The following SEMA6A variants were observed in gnomAD, a reference collection of about 807,000 sequenced individuals.
The protein encoded by SEMA6A is semaphorin-6A.
In SEMA6A, 25 loss-of-function variants were observed where a neutral mutation model predicts 96.8. The ratio of observed to expected loss-of-function variants is 0.26; its 90% CI spans 0.19 to 0.36. The LOEUF (loss-of-function observed/expected upper bound fraction) is 0.36, where lower values mean the gene tolerates loss of function less well. Among genes scored for constraint, SEMA6A ranks in the 10% least tolerant of loss-of-function variants. The pLI is 1.00. For missense variants in SEMA6A, 1,363 were observed against 1,323.1 expected, an observed-to-expected ratio of 1.03 and a Z score of -0.47; for synonymous variants, 612 against 518.0, an observed-to-expected ratio of 1.18 and a Z score of -2.46.
intron 1 of SEMA6A, among the ~76,000 whole-genome samples, chr5:116,518,900 C>G (rs1553530): frequency 0.32 from 48,679 of 151,940 alleles, 8,449 homozygotes; most frequent in African/African-American, 0.45. Flanking sequence ...AGATTCCCCA[C>G]GTTCACTTTG....
Position 116,491,569 on chromosome 5 carries a change from T to A in SEMA6A, c.535+171A>T, listed in dbSNP as rs1215969933. The stretch of plus-strand genomic sequence containing the variant: ...CACATGGGTAAGTGAAGCAAAGACT[T>A]GCAAAAGTACAATTTTCATACTAAT... On this transcript the variant is annotated intron_variant, in intron 7 of 18. Transcript: ENST00000343348. Among the ~76,000 whole-genome samples the A allele has an allele frequency of 4.6e-5, 7 of 152,098 alleles. No individual in the cohort carries two copies. The East Asian group carries it at 1.3e-3, about 29-fold the overall frequency.
At chr5:116,547,734 TAAAAAAAA>T (rs34908253) in intron 1 of SEMA6A, among the ~76,000 whole-genome samples, 394 of 65,584 alleles carry the variant, frequency 6.0e-3, no homozygotes, top group Non-Finnish European at 8.4e-3. Flanking sequence ...ATCTGATACT[TAAAAAAAA>T]AAAAAAAAAA....
rs539311856 is a variant in SEMA6A at position 116,456,089 on chromosome 5, A to G, written c.1895-8278T>C. Among the ~76,000 whole-genome samples, 40 of 152,354 alleles carry G rather than the reference A, an allele frequency of 2.6e-4. No individual in the cohort carries two copies. The South Asian group carries it at 8.1e-3, about 31-fold the overall frequency. On this transcript the variant is annotated intron_variant, in intron 18 of 18. Transcript: ENST00000343348. Reference sequence around the variant, plus strand: ...TAAGGCAACACTTTGGTAGGGTTCAACTGTGTTAGCCAAAAGTGTAAAAAT... The same window carrying G: ...TAAGGCAACACTTTGGTAGGGTTCAGCTGTGTTAGCCAAAAGTGTAAAAAT...
intron 15 of SEMA6A, 143 bp downstream of exon 15, chr5:116,477,703 G>T (rs1756527928): frequency 4.0e-6 from 3 of 753,770 alleles, no homozygotes; most frequent in Admixed American, 4.2e-5. Flanking sequence ...AATGGGAAAG[G>T]GTAGGAGAAA....
chr5:116,485,654 T>C (rs943525644), intron 10 of SEMA6A, among the ~76,000 whole-genome samples: 2 of 152,238 alleles, frequency 1.3e-5, no homozygotes, highest in Non-Finnish European at 2.9e-5. Context: ...CCTTTAGTTT[T>C]ATCATTTTGG....
chr5:116,516,540 T>C (rs933825829), intron 1 of SEMA6A, among the ~76,000 whole-genome samples: 7 of 152,204 alleles, frequency 4.6e-5, no homozygotes, highest in Non-Finnish European at 1.0e-4. Flanking sequence ...GCTCATTTAC[T>C]TTTATGTAAA....
intron 1 of SEMA6A, among the ~76,000 whole-genome samples, chr5:116,564,728 T>C (rs1760959742): frequency 6.6e-6 from 1 of 152,140 alleles, no homozygotes; most frequent in Non-Finnish European, 1.5e-5. Context: ...TAGCAAAATA[T>C]TGAAATTATT....
intron 18 of SEMA6A, among the ~76,000 whole-genome samples, chr5:116,460,337 A>G (rs1165085551): frequency 6.6e-6 from 1 of 152,190 alleles, no homozygotes; most frequent in African/African-American, 2.4e-5. Flanking sequence ...TCTGAACTCA[A>G]GTATGCTAAG....
chr5:116,456,068 G>T (rs1386409349), intron 18 of SEMA6A, among the ~76,000 whole-genome samples: 2 of 152,174 alleles, frequency 1.3e-5, no homozygotes, highest in Non-Finnish European at 2.9e-5. Context: ...CTATTTTAAG[G>T]CAACACTTTG....
chr5:116,479,689 C>T (rs1259543133), intron 12 of SEMA6A, among the ~76,000 whole-genome samples: 2 of 152,204 alleles, frequency 1.3e-5, no homozygotes, highest in African/African-American at 4.8e-5. Flanking sequence ...GAATCCTTCA[C>T]ACCAGCAAAT....
At chr5:116,499,649 C>T (rs1293629844) in intron 3 of SEMA6A, among the ~76,000 whole-genome samples, 3 of 152,126 alleles carry the variant, frequency 2.0e-5, no homozygotes, top group Admixed American at 6.5e-5. Context: ...GAAGTGGCTG[C>T]GTATGGTGTG....
chr5:116,467,584 C>T lies in SEMA6A; in HGVS notation c.1893G>A (p.Lys631=). The T allele has an allele frequency of 6.2e-7, 1 of 1,612,462 alleles. No individual in the cohort carries two copies. The highest frequency in any genetic ancestry group is 1.1e-5 in the South Asian group (1 of 90,776). Residue 631 remains lysine (K), a splice_region_variant and synonymous_variant, in exon 18 of 19, where the codon AAG becomes AAA. Coordinates refer to ENST00000343348, the MANE Select transcript of SEMA6A (RefSeq NM_020796.5). ...AVSSHNHQDK[K]GVIRESYLKG... is the part of the protein sequence containing the mutation. ...GAAGAGGCATTTCCAAGGCCTTACCCTTCTTGTCTTGGTGATTATGGGAAG... is the reference window on the plus strand; with the variant it reads ...GAAGAGGCATTTCCAAGGCCTTACCTTTCTTGTCTTGGTGATTATGGGAAG...
rs1758392974 is a variant in SEMA6A, at chr5:116,511,338, A to C, written c.-38-6356T>G. ...CAGTACAGATGCAATTTTTTAAAAA[A>C]AAATTTCTATCAGCGGTTGGTTGAA... On this transcript the variant is annotated intron_variant, in intron 1 of 18. Transcript: ENST00000343348. Among the ~76,000 whole-genome samples, 5 of 152,310 alleles carry C rather than the reference A, an allele frequency of 3.3e-5. No homozygotes were observed. In the South Asian group the frequency reaches 1.0e-3, roughly 32 times the overall value.
Position 116,478,068 on chromosome 5 carries a change from G to A in SEMA6A, c.1514C>T (p.Thr505Ile). ...ASSSLYVAFS[T>I]CVIKVPLGRC... is the part of the protein sequence containing the mutation. ...GCCAAGGGGAACCTTTATCACACAG[G>A]TAGAGAACGCAACATACAGAGAGCT... The change falls in exon 14 of 19, where the codon ACC becomes ATC. Residue 505 changes from threonine (T) to isoleucine (I), a missense_variant. Around this residue, in one of 2 missense-constraint regions of SEMA6A, gnomAD observed 883 missense variants for 763.6 expected, o/e 1.16. Transcript: ENST00000343348. 6.2e-7 allele frequency: 1 copy of A among 1,613,964 alleles called. No individual in the cohort carries two copies. The highest frequency in any genetic ancestry group is 8.5e-7 in the Non-Finnish European group (1 of 1,179,856).
intron 1 of SEMA6A, among the ~76,000 whole-genome samples, chr5:116,529,827 C>T (rs375997564): frequency 1.3e-5 from 2 of 151,968 alleles, no homozygotes; most frequent in East Asian, 1.9e-4. Flanking sequence ...ACAATAAACA[C>T]GGGAGGCTGC....
At chr5:116,475,034 C>T (rs1756379988) in intron 16 of SEMA6A, among the ~76,000 whole-genome samples, 2 of 152,078 alleles carry the variant, frequency 1.3e-5, no homozygotes. Flanking sequence ...TTGCCTTGTA[C>T]TTGTGGGTTA....
At chr5:116,511,896 C>T (rs1758422111) in intron 1 of SEMA6A, among the ~76,000 whole-genome samples, 1 of 152,160 alleles carries the variant, frequency 6.6e-6, no homozygotes, top group South Asian at 2.1e-4. Flanking sequence ...AAAGAAGTTG[C>T]CTGCTTCAGT....
chr5:116,482,798 G>A (rs1756853406), intron 10 of SEMA6A, among the ~76,000 whole-genome samples: 1 of 152,114 alleles, frequency 6.6e-6, no homozygotes, highest in Non-Finnish European at 1.5e-5. Context: ...AGCTCACAGA[G>A]AGGAAAAAAA....
chr5:116,457,554 A>G (rs1755093688), intron 18 of SEMA6A, among the ~76,000 whole-genome samples: 1 of 152,168 alleles, frequency 6.6e-6, no homozygotes, highest in Admixed American at 6.6e-5. Context: ...TACCCCATTA[A>G]AAATGAATCT....
Sources: allele counts gnomAD v4.1 joint callset (sites outside exome capture counted in the v4.1 genomes callset), GRCh38; gene constraint gnomAD v4.1.1; regional missense constraint gnomAD v4.1.1; transcripts MANE v1.5; gene names NCBI Gene and HGNC (gene_info 2026-07-23, HGNC 2026-07-21).